C12orf75: variants seen among roughly 807,000 people sequenced by gnomAD.
The protein encoded by C12orf75 is overexpressed in colon carcinoma 1 protein.
A neutral mutation model predicts 11.4 loss-of-function variants in C12orf75; 4 were observed. That is an observed-to-expected ratio of 0.35 (90% CI 0.17 to 0.80). The LOEUF (loss-of-function observed/expected upper bound fraction) is 0.80, where lower values mean the gene tolerates loss of function less well. C12orf75 is among the 30% of genes least tolerant of loss of function. The probability of loss-of-function intolerance (pLI) is 0.52; values close to 1 mark genes in which losing one functional copy is unlikely to be tolerated. For missense variants in C12orf75, 89 were observed against 80.4 expected, an observed-to-expected ratio of 1.11 and a Z score of -0.41; for synonymous variants, 30 against 30.0, an observed-to-expected ratio of 1.00 and a Z score of 0.00.
At chr12:105,366,454 G>C in intron 3 of C12orf75, 163 bp from the exon 4 acceptor site, 1 of 404,060 alleles carries the variant, frequency 2.5e-6, no homozygotes, top group Non-Finnish European at 4.4e-6. Context: ...TTTTAACCTA[G>C]GAAACCAATT....
At chr12:105,360,869 A>G (rs750652461) in intron 2 of C12orf75, among the ~76,000 whole-genome samples, 31 of 151,932 alleles carry the variant, frequency 2.0e-4, no homozygotes, top group Non-Finnish European at 3.8e-4. Flanking sequence ...TCCGCCTCCC[A>G]GGTTCAAGCG....
intron 1 of C12orf75, among the ~76,000 whole-genome samples, chr12:105,332,749 AAG>A (rs1226652045): frequency 2.6e-5 from 4 of 151,350 alleles, no homozygotes; most frequent in Admixed American, 2.6e-4. Flanking sequence ...AAAAAAAAAA[AAG>A]AAAAGAAAAG....
intron 1 of C12orf75, among the ~76,000 whole-genome samples, chr12:105,339,841 C>A (rs899674841): frequency 6.6e-6 from 1 of 151,744 alleles, no homozygotes. Flanking sequence ...AGGATGGTCT[C>A]GATCTCCTGA....
chr12:105,330,902 G>T lies in C12orf75; in HGVS notation c.11G>T (p.Gly4Val). Residue 4 changes from glycine to valine, a missense_variant, in exon 1 of 6, where the codon GGG (glycine) becomes GTG (valine). By Grantham distance (109) the Gly-to-Val change is moderately radical. Transcript: ENST00000443585. MGC[G>V]NSTATSAGAG... is the part of the protein sequence containing the mutation. ...CCGGCCGGCTGCGCGATGGGCTGCG[G>T]GAACTCCACCGCCACCAGCGCGGGC... The T allele has an allele frequency of 1.6e-6, 2 of 1,247,000 alleles. No homozygotes were observed. Among genetic ancestry groups the T allele is most frequent in the Non-Finnish European group, 2.0e-6 (2 of 997,764 alleles). The allele number at this position is 1,247,000 out of a possible 1,614,324, so 77.2% of individuals were successfully genotyped here.
At chr12:105,345,507 G>T (rs780276357) in intron 1 of C12orf75, among the ~76,000 whole-genome samples, 15 of 151,450 alleles carry the variant, frequency 9.9e-5, no homozygotes, top group Non-Finnish European at 1.8e-4. Flanking sequence ...AAAAAAAAAA[G>T]AAGTCAAAGT....
At chr12:105,366,177 C>T (rs538038708) in intron 3 of C12orf75, 2 of 338,998 alleles carry the variant, frequency 5.9e-6, no homozygotes, top group East Asian at 5.6e-5. Context: ...TGCACTCCAC[C>T]CTCATTTCTC....
chr12:105,343,873 G>C (rs575554802), intron 1 of C12orf75, among the ~76,000 whole-genome samples: 1 of 151,960 alleles, frequency 6.6e-6, no homozygotes, highest in Non-Finnish European at 1.5e-5. Context: ...CACACACACA[G>C]ACACACACAC....
At chr12:105,340,625 G>A (rs954189229) in intron 1 of C12orf75, among the ~76,000 whole-genome samples, 1 of 152,090 alleles carries the variant, frequency 6.6e-6, no homozygotes, top group African/African-American at 2.4e-5. Flanking sequence ...AGATAAGAAG[G>A]TCTAGTGGGT....
intron 2 of C12orf75, among the ~76,000 whole-genome samples, chr12:105,352,627 T>A (rs4964361): frequency 6.6e-6 from 1 of 151,934 alleles, no homozygotes; most frequent in Non-Finnish European, 1.5e-5. Context: ...TTTTTAAAAA[T>A]TATTTTTTGG....
chr12:105,351,852 T>G (rs537099121), intron 2 of C12orf75, among the ~76,000 whole-genome samples: 8 of 151,176 alleles, frequency 5.3e-5, no homozygotes, highest in Admixed American at 6.6e-5. Flanking sequence ...ATCGTGCTTG[T>G]TTTTTTTTAT....
chr12:105,334,492 A>G lies in C12orf75; in HGVS notation c.46+3555A>G, dbSNP rs184640533. 3.7e-3 allele frequency among the ~76,000 whole-genome samples: 561 copies of G among 152,348 alleles called. 4 individuals are homozygous for G. Among genetic ancestry groups the G allele is most frequent in the African/African-American group, 0.013 (536 of 41,578 alleles). On this transcript the variant is annotated intron_variant, in intron 1 of 5. Transcript: ENST00000443585. ...ATGTGAGAGGCATTTTGAGTACACA[A>G]AAGCTCTCCACTTTCACATTTTGAT... is the stretch of plus-strand genomic sequence containing the variant.
chr12:105,358,313 C>T (rs1329638077), intron 2 of C12orf75, among the ~76,000 whole-genome samples: 1 of 152,170 alleles, frequency 6.6e-6, no homozygotes, highest in South Asian at 2.1e-4. Flanking sequence ...CTGAGGAGTT[C>T]GAGACCAGTC....
At chr12:105,339,024 A>AT (rs572387801) in intron 1 of C12orf75, among the ~76,000 whole-genome samples, 1 of 152,214 alleles carries the variant, frequency 6.6e-6, no homozygotes, top group African/African-American at 2.4e-5. Flanking sequence ...ATTGACCTGA[A>AT]TTTTTTTCCT....
At chr12:105,335,834 A>T (rs929098014) in intron 1 of C12orf75, among the ~76,000 whole-genome samples, 6 of 146,564 alleles carry the variant, frequency 4.1e-5, no homozygotes, top group Admixed American at 1.3e-4. Flanking sequence ...TCCACATTTT[A>T]AATGGATTTT....
At chr12:105,341,642 G>A (rs78166437) in intron 1 of C12orf75, among the ~76,000 whole-genome samples, 3,507 of 152,284 alleles carry the variant, frequency 0.023, 132 homozygotes, top group African/African-American at 0.081. Context: ...GGGGAAGTCT[G>A]GAAGTGTCCC....
At chr12:105,340,527 A>T (rs1892558315) in intron 1 of C12orf75, among the ~76,000 whole-genome samples, 1 of 151,776 alleles carries the variant, frequency 6.6e-6, no homozygotes. Flanking sequence ...GTCGTGCATG[A>T]TACATATATT....
intron 2 of C12orf75, among the ~76,000 whole-genome samples, chr12:105,355,189 T>TTTTTTTTTTTTTTTTTC (rs1555265699): frequency 7.2e-6 from 1 of 139,490 alleles, no homozygotes; most frequent in Non-Finnish European, 1.6e-5. Context: ...TCTTTTTTTT[T>TTTTTTTTTTTTTTTTTC]TTCAGAGTTT....
intron 2 of C12orf75, among the ~76,000 whole-genome samples, chr12:105,359,054 G>C (rs756267585): frequency 6.6e-6 from 1 of 152,110 alleles, no homozygotes; most frequent in Non-Finnish European, 1.5e-5. Context: ...GATGTGCCAC[G>C]TACTTATTTC....
In C12orf75 at chr12:105,365,835, A is replaced by C; in HGVS notation, c.100A>C (p.Lys34Gln). 6.5e-7 allele frequency: 1 copy of C among 1,548,732 alleles called. No homozygotes were observed. ...VTEESVTEDDKRRNYGGVYVG... is the reference protein window; with the variant it reads ...VTEESVTEDDQRRNYGGVYVG... ...AGAAGAATCCGTAACAGAAGATGAC[A>C]AGAGGAGGTATGTTTGGTATTGCAG... Residue 34 changes from lysine to glutamine, a missense_variant, in exon 3 of 6, where the codon AAG becomes CAG. By Grantham distance (53) the Lys-to-Gln change is moderately conservative (BLOSUM62 1). Coordinates refer to ENST00000443585, the MANE Select transcript of C12orf75 (RefSeq NM_001145199.2).
Sources: allele counts gnomAD v4.1 joint callset (sites outside exome capture counted in the v4.1 genomes callset), GRCh38; gene constraint gnomAD v4.1.1; transcripts MANE v1.5; gene names NCBI Gene and HGNC (gene_info 2026-07-23, HGNC 2026-07-21).